Variants in SGTB observed in about 807,000 individuals in gnomAD.
SGTB encodes the protein small glutamine-rich tetratricopeptide repeat-containing protein beta.
A neutral mutation model predicts 43.9 loss-of-function variants in SGTB; 19 were observed. The ratio of observed to expected loss-of-function variants is 0.43; its 90% CI spans 0.30 to 0.63. The LOEUF is 0.63. Ranked by LOEUF, SGTB falls within the 30% of genes least tolerant of loss-of-function variation. The pLI is 0.12. For missense variants in SGTB, 304 were observed against 358.9 expected (o/e 0.85, Z 1.24); for synonymous variants, 116 against 117.3 (o/e 0.99, Z 0.07).
chr5:65,713,307 C>T (rs1223759734), intron 2 of SGTB, among the ~76,000 whole-genome samples: 1 of 151,958 alleles, frequency 6.6e-6, no homozygotes, highest in African/African-American at 2.4e-5. Context: ...TTCCCCTTCC[C>T]TCCCTTTCTT....
At chr5:65,675,085 T>C (rs1408451711) in intron 8 of SGTB, among the ~76,000 whole-genome samples, 1 of 152,208 alleles carries the variant, frequency 6.6e-6, no homozygotes, top group Admixed American at 6.5e-5. Flanking sequence ...ATCCAAAGTA[T>C]ACAGTCACCC....
chr5:65,690,082 A>T (rs951209547), intron 5 of SGTB, among the ~76,000 whole-genome samples: 31 of 151,894 alleles, frequency 2.0e-4, no homozygotes, highest in African/African-American at 7.5e-4. Flanking sequence ...GAAAGAAAGA[A>T]AAAAAATCAA....
intron 5 of SGTB, among the ~76,000 whole-genome samples, chr5:65,691,974 C>T (rs977769699): frequency 8.0e-5 from 12 of 149,696 alleles, no homozygotes; most frequent in African/African-American, 2.7e-4. Context: ...AAAGGATACA[C>T]GACCAGTTTA....
In SGTB at chr5:65,666,316, A is replaced by C. The variant is rs1052197123; in HGVS notation, c.*3930T>G. 3.3e-5 allele frequency: 5 copies of C among 152,186 alleles called. No homozygotes were observed. Among genetic ancestry groups the C allele is most frequent in the Non-Finnish European group, 7.4e-5 (5 of 68,000 alleles). The allele number at this position is 152,186 out of a possible 1,614,324, so 9.4% of individuals were successfully genotyped here. A position where few individuals can be genotyped will look rare whatever the true frequency, so the allele number is the denominator to read the frequency against. ...TTTTCATAGTTTTAAGTAAAGATTA[A>C]ATAATGCCATCTTAGAAAGGATCTG... is the stretch of plus-strand genomic sequence containing the variant. On this transcript the variant is annotated 3_prime_UTR_variant, in exon 11 of 11. Transcript: ENST00000381007.
chr5:65,695,460 G>A (rs929702491), intron 5 of SGTB, among the ~76,000 whole-genome samples: 41 of 152,078 alleles, frequency 2.7e-4, no homozygotes, highest in Admixed American at 2.4e-3. Context: ...AGAGAAGACA[G>A]GCTATATTTG....
chr5:65,707,397 C>CAT (rs1157878844), intron 4 of SGTB, among the ~76,000 whole-genome samples: 41 of 117,542 alleles, frequency 3.5e-4, no homozygotes, highest in African/African-American at 1.5e-3. Context: ...TGATTTTATA[C>CAT]ACACACACAC....
At chr5:65,722,380 G>T (rs1198373006), upstream of SGTB, 3 of 1,585,086 alleles carry the variant, frequency 1.9e-6, no homozygotes, top group South Asian at 2.3e-5. Flanking sequence ...TCCCATGATC[G>T]CCCGGTGCCT....
intron 3 of SGTB, among the ~76,000 whole-genome samples, chr5:65,710,856 T>G (rs2150722175): frequency 6.6e-6 from 1 of 151,496 alleles, no homozygotes; most frequent in South Asian, 2.1e-4. Context: ...CAGGGCCGGG[T>G]GTGGTGGCGG....
intron 8 of SGTB, among the ~76,000 whole-genome samples, chr5:65,673,747 C>G (rs1251274548): frequency 6.6e-6 from 1 of 152,024 alleles, no homozygotes; most frequent in Non-Finnish European, 1.5e-5. Context: ...CCTCTGCCTC[C>G]CGGAGTCAAG....
intron 8 of SGTB, among the ~76,000 whole-genome samples, chr5:65,676,628 G>T (rs780738614): frequency 6.6e-6 from 1 of 151,946 alleles, no homozygotes; most frequent in Non-Finnish European, 1.5e-5. Context: ...CAGAATATAC[G>T]TTCTTCTCAT....
upstream of SGTB, chr5:65,722,317 TCGCCGCCCCA>T (rs1758324277): frequency 1.4e-6 from 2 of 1,456,114 alleles, no homozygotes; most frequent in East Asian, 5.7e-5. Flanking sequence ...GCCGCCCGCC[TCGCCGCCCCA>T]CGCCGAAGGA....
chr5:65,683,620 G>C (rs1289725462), intron 6 of SGTB, among the ~76,000 whole-genome samples: 1 of 152,120 alleles, frequency 6.6e-6, no homozygotes, highest in African/African-American at 2.4e-5. Context: ...AGTGGAAGGG[G>C]AAACAGGGCA....
At chr5:65,696,483 G>T (rs1311232299) in intron 5 of SGTB, among the ~76,000 whole-genome samples, 1 of 152,194 alleles carries the variant, frequency 6.6e-6, no homozygotes, top group East Asian at 1.9e-4. Context: ...GTTGTTTTAT[G>T]TACACAAGTG....
At chr5:65,688,167 C>G (rs1001226767) in intron 5 of SGTB, among the ~76,000 whole-genome samples, 1 of 152,056 alleles carries the variant, frequency 6.6e-6, no homozygotes, top group Non-Finnish European at 1.5e-5. Flanking sequence ...CTTTTTGAGA[C>G]AGATTTTTAA....
At chr5:65,685,581 C>G in intron 5 of SGTB, 109 bp from the exon 6 acceptor site, 1 of 770,172 alleles carries the variant, frequency 1.3e-6, no homozygotes, top group South Asian at 1.9e-5. Flanking sequence ...GTAGATCACT[C>G]CCACTAAATT....
chr5:65,685,630 G>GA (rs933232042), intron 5 of SGTB, among the ~76,000 whole-genome samples, 158 bp from the exon 6 acceptor site: 21 of 146,462 alleles, frequency 1.4e-4, no homozygotes, highest in East Asian at 1.4e-3. Context: ...GTAATAAAAT[G>GA]AAAAAAAAAA....
chr5:65,700,682 CA>C (rs376335799), intron 5 of SGTB, among the ~76,000 whole-genome samples: 25,102 of 80,684 alleles, frequency 0.31, 2,186 homozygotes, highest in South Asian at 0.44. Flanking sequence ...CTCTGTCTCC[CA>C]AAAAAAAAAA....
intron 3 of SGTB, among the ~76,000 whole-genome samples, chr5:65,709,464 C>G (rs888827968): frequency 1.3e-5 from 2 of 150,928 alleles, no homozygotes; most frequent in Non-Finnish European, 2.9e-5. Context: ...CTGCAATCTG[C>G]GCCTCCCAGG....
intron 6 of SGTB, among the ~76,000 whole-genome samples, chr5:65,684,055 C>T (rs960539682): frequency 2.6e-5 from 4 of 151,684 alleles, no homozygotes; most frequent in African/African-American, 4.8e-5. Context: ...TAGAGGGGAA[C>T]GCTGGGTAAA....
Sources: gnomAD v4.1 joint callset for allele counts (sites outside exome capture counted in the v4.1 genomes callset) on GRCh38, gnomAD v4.1.1 for gene constraint, MANE v1.5 for transcripts, NCBI Gene and HGNC (gene_info 2026-07-23, HGNC 2026-07-21) for gene names.